Variants in TEX11 observed in about 807,000 individuals in gnomAD.
TEX11 encodes testis expressed 11.
A neutral mutation model predicts 84.4 loss-of-function variants in TEX11; 7 were observed. The observed-to-expected ratio is 0.08, with a 90% CI of 0.05 to 0.16. TEX11 has a LOEUF of 0.16. Ranked by LOEUF, TEX11 falls within the 10% of genes least tolerant of loss-of-function variation. TEX11 has a pLI of 1.00. For synonymous variants in TEX11, 264 were observed against 222.8 expected (o/e 1.18, Z -1.64); for missense variants, 551 against 660.5 (o/e 0.83, Z 1.82).
At chrX:70,725,398 AT>A in intron 11 of TEX11, 55 bp from the exon 12 acceptor site, 1 of 880,082 alleles carries the variant, frequency 1.1e-6, no homozygotes, top group Non-Finnish European at 1.6e-6. Flanking sequence ...GTAAAAGACA[AT>A]TTTCAAGTAA....
intron 28 of TEX11, among the ~76,000 whole-genome samples, chrX:70,547,957 G>T (rs1269773250): frequency 8.9e-6 from 1 of 111,945 alleles, no homozygotes; most frequent in Non-Finnish European, 1.9e-5. Context: ...CTGCTATAAA[G>T]ACACATGCAC....
chrX:70,660,460 G>T (rs945167505), intron 16 of TEX11, among the ~76,000 whole-genome samples: 2 of 111,583 alleles, frequency 1.8e-5, no homozygotes, highest in Non-Finnish European at 3.8e-5. Flanking sequence ...CAAGATTTTT[G>T]ATTTTTAACA....
intron 25 of TEX11, among the ~76,000 whole-genome samples, chrX:70,568,280 A>C (rs1287057109): frequency 1.8e-5 from 2 of 110,268 alleles, no homozygotes; most frequent in Non-Finnish European, 3.8e-5. Flanking sequence ...CCATCCTTTT[A>C]TTTTGAGCCT....
intron 24 of TEX11, among the ~76,000 whole-genome samples, chrX:70,603,355 A>C (rs2089153777): frequency 1.0e-5 from 1 of 95,557 alleles, no homozygotes; most frequent in Admixed American, 1.2e-4. Flanking sequence ...CAAAACAGAG[A>C]TATAGATCAA....
chrX:70,568,721 T>C (rs1195892648), intron 25 of TEX11, among the ~76,000 whole-genome samples: 1 of 111,788 alleles, frequency 8.9e-6, no homozygotes, highest in East Asian at 2.8e-4. Context: ...TTTAAGAATG[T>C]TGAATATTGG....
intron 7 of TEX11, among the ~76,000 whole-genome samples, chrX:70,851,643 T>C (rs1434106420): frequency 1.0e-5 from 1 of 95,688 alleles, no homozygotes; most frequent in Non-Finnish European, 2.0e-5. Flanking sequence ...CCCTTAGTTA[T>C]ATACCAAAGA....
chrX:70,845,631 C>G (rs932405880), intron 7 of TEX11, among the ~76,000 whole-genome samples: 1 of 109,958 alleles, frequency 9.1e-6, no homozygotes, highest in Non-Finnish European at 1.9e-5. Context: ...AGTTCGAGAC[C>G]CGCCTGGCCA....
chrX:70,697,189 T>A (rs1243852932), intron 13 of TEX11, among the ~76,000 whole-genome samples: 6 of 112,233 alleles, frequency 5.3e-5, no homozygotes, highest in Non-Finnish European at 1.1e-4. Context: ...ATACTGGGGC[T>A]ACCTAGATAA....
At chrX:70,665,780 A>G (rs73220880) in intron 16 of TEX11, among the ~76,000 whole-genome samples, 12,331 of 111,557 alleles carry the variant, frequency 0.11, 586 homozygotes, top group Middle Eastern at 0.18. Context: ...TTTAAATCAA[A>G]ATAAAATGCG....
chrX:70,548,342 A>G (rs1297778130), intron 28 of TEX11, among the ~76,000 whole-genome samples: 2 of 110,220 alleles, frequency 1.8e-5, no homozygotes, highest in African/African-American at 6.6e-5. Flanking sequence ...TGGGTGCAGC[A>G]CACCAACATG....
intron 8 of TEX11, among the ~76,000 whole-genome samples, chrX:70,827,034 G>A (rs1331264816): frequency 9.0e-6 from 1 of 111,252 alleles, no homozygotes; most frequent in Non-Finnish European, 1.9e-5. Flanking sequence ...AGAGGGAAGG[G>A]AAGAGTAAAG....
intron 9 of TEX11, among the ~76,000 whole-genome samples, chrX:70,779,414 CAA>C (rs1401892562): frequency 1.9e-4 from 8 of 42,502 alleles, no homozygotes; most frequent in African/African-American, 3.4e-4. Context: ...GACCCCGTCT[CAA>C]AAAAAAAAAA....
chrX:70,823,040 G>A (rs929601570), intron 8 of TEX11, among the ~76,000 whole-genome samples: 9 of 109,672 alleles, frequency 8.2e-5, no homozygotes, highest in African/African-American at 2.3e-4. Flanking sequence ...GGCGGGTGGC[G>A]TCAAACATTG....
chrX:70,869,620 A>G (rs1459187519), intron 4 of TEX11, among the ~76,000 whole-genome samples: 2 of 111,601 alleles, frequency 1.8e-5, no homozygotes, highest in Non-Finnish European at 3.8e-5. Context: ...TACAAAAAAT[A>G]CAAAAATTAG....
At chrX:70,838,358 G>A (rs1179014914) in intron 7 of TEX11, among the ~76,000 whole-genome samples, 1 of 111,980 alleles carries the variant, frequency 8.9e-6, no homozygotes, top group Non-Finnish European at 1.9e-5. Flanking sequence ...AGGAGGTGGA[G>A]GTTGCAGTGA....
intron 9 of TEX11, among the ~76,000 whole-genome samples, chrX:70,801,587 C>T (rs774729693): frequency 3.2e-4 from 35 of 110,920 alleles, no homozygotes; most frequent in African/African-American, 1.1e-3. Context: ...TTTTTCCTTT[C>T]TTTCCTTTCT....
chrX:70,702,027 C>T (rs767965492), intron 13 of TEX11, among the ~76,000 whole-genome samples: 2 of 111,601 alleles, frequency 1.8e-5, no homozygotes, highest in Admixed American at 9.5e-5. Context: ...GTGAAGATGC[C>T]GTGTACATTG....
chrX:70,750,362 T>G (rs761413094), intron 9 of TEX11, among the ~76,000 whole-genome samples: 88 of 111,775 alleles, frequency 7.9e-4, no homozygotes, highest in Non-Finnish European at 4.9e-4. Context: ...GAAGTCAGTG[T>G]GGTGATTCCT....
chrX:70,565,879 A>C (rs1487685892), intron 25 of TEX11, among the ~76,000 whole-genome samples: 3 of 109,436 alleles, frequency 2.7e-5, no homozygotes, highest in East Asian at 2.9e-4. Flanking sequence ...ATTGACTTGG[A>C]GATGCAGGCT....
Sources: allele counts gnomAD v4.1 joint callset (sites outside exome capture counted in the v4.1 genomes callset), GRCh38; gene constraint gnomAD v4.1.1; transcripts MANE v1.5; gene names NCBI Gene and HGNC (gene_info 2026-07-23, HGNC 2026-07-21).